The following SLC43A2 variants were observed in gnomAD, a reference collection of about 807,000 sequenced individuals.
The protein encoded by SLC43A2 is large neutral amino acids transporter small subunit 4.
A neutral mutation model predicts 63.2 loss-of-function variants in SLC43A2; 38 were observed. That is an observed-to-expected ratio of 0.60 (90% confidence interval 0.46 to 0.79). The LOEUF (loss-of-function observed/expected upper bound fraction) is 0.79. Ranked by LOEUF, SLC43A2 falls within the 30% of genes least tolerant of loss-of-function variation. The pLI is 0.00. For synonymous variants in SLC43A2, 322 were observed against 331.0 expected, an observed-to-expected ratio of 0.97 and a Z score of 0.30; for missense variants, 644 against 756.2, an observed-to-expected ratio of 0.85 and a Z score of 1.74.
At chr17:1,594,436 C>T (rs1298686115) in intron 5 of SLC43A2, among the ~76,000 whole-genome samples, 1 of 152,186 alleles carries the variant, frequency 6.6e-6, no homozygotes, top group African/African-American at 2.4e-5. Context: ...CCTTTCCTGT[C>T]CACACCCAGC....
intron 10 of SLC43A2, chr17:1,585,531 C>G (rs1328577759): frequency 1.9e-6 from 1 of 531,660 alleles, no homozygotes; most frequent in African/African-American, 2.0e-5. Flanking sequence ...TAGGCATGAA[C>G]CACCCTCCCT....
intron 5 of SLC43A2, among the ~76,000 whole-genome samples, chr17:1,601,098 A>T (rs1905975305): frequency 8.0e-6 from 1 of 124,374 alleles, no homozygotes; most frequent in African/African-American, 3.1e-5. Context: ...GTTTGTTTTA[A>T]GTAAAATGTC....
At chr17:1,619,169 G>A (rs1490677799) in intron 2 of SLC43A2, among the ~76,000 whole-genome samples, 4 of 152,000 alleles carry the variant, frequency 2.6e-5, no homozygotes, top group African/African-American at 9.7e-5. Flanking sequence ...GCCGGGCATG[G>A]TGGGCGTCTA....
At position 1,578,151 on chromosome 17, in the gene SLC43A2, A is replaced by C; in HGVS notation, c.1424+99T>G. The C allele has an allele frequency of 8.3e-7, 1 of 1,205,616 alleles. No individual in the cohort carries two copies. The highest frequency in any genetic ancestry group is 1.2e-6 in the Non-Finnish European group (1 of 831,854). 74.7% of individuals were successfully genotyped at this position (1,205,616 alleles called of 1,614,324 possible). Reference sequence around the variant, plus strand: ...GCAGGAAGATGAGCCCTTCTGGGACAGGCTGACCCTGCCTCAGAGTCTCAG... The same window carrying C: ...GCAGGAAGATGAGCCCTTCTGGGACCGGCTGACCCTGCCTCAGAGTCTCAG... On this transcript the variant is annotated intron_variant, in intron 12 of 13. Coordinates refer to ENST00000301335, the MANE Select transcript of SLC43A2 (RefSeq NM_152346.3). This position sits in a 1 kb window ranked among gnomAD's most constrained non-coding sequence, Gnocchi z 6.5.
At chr17:1,591,735 G>GCGGGGGGGGGGGGGGGGGA in intron 6 of SLC43A2, 36 bp from the exon 7 acceptor site, 1 of 652,928 alleles carries the variant, frequency 1.5e-6, no homozygotes, top group South Asian at 1.9e-5. Flanking sequence ...GGGGGGGGGA[G>GCGGGGGGGGGGGGGGGGGA]GGGGCAGAGT....
intron 5 of SLC43A2, among the ~76,000 whole-genome samples, chr17:1,597,216 A>G (rs1905376463): frequency 6.6e-6 from 1 of 150,996 alleles, no homozygotes; most frequent in African/African-American, 2.4e-5. Context: ...ACGTTTTAAA[A>G]AAAAGAGGCT....
rs1290180778 is a variant in SLC43A2 at position 1,575,368 on chromosome 17, G to C, written c.*236C>G. On this transcript the variant is annotated 3_prime_UTR_variant, in exon 14 of 14. Coordinates refer to ENST00000301335, the MANE Select transcript of SLC43A2 (RefSeq NM_152346.3). ...GAGACCCCAGGCCCCGGGTCCCCGG[G>C]GGGCGGCAGAGCAAAGTCAGGGCAG... is the stretch of plus-strand genomic sequence containing the variant. The C allele has an allele frequency of 5.3e-6, 3 of 570,618 alleles. No individual in the cohort carries two copies. In the East Asian group the frequency reaches 9.7e-5, roughly 18 times the overall value. 35.3% of individuals were successfully genotyped at this position (570,618 alleles called of 1,614,324 possible). A position where few individuals can be genotyped will look rare whatever the true frequency, so the allele number is the denominator to read the frequency against.
intron 9 of SLC43A2, 160 bp from the exon 10 acceptor site, chr17:1,586,211 C>T (rs1316289818): frequency 7.6e-6 from 9 of 1,177,890 alleles, no homozygotes; most frequent in East Asian, 2.6e-5. Flanking sequence ...GAGACCTTAA[C>T]TCTGAAGTTG....
intron 2 of SLC43A2, among the ~76,000 whole-genome samples, chr17:1,625,578 T>A (rs540730564): frequency 6.6e-6 from 1 of 152,254 alleles, no homozygotes; most frequent in South Asian, 2.1e-4. Flanking sequence ...CGCCAGGCAC[T>A]CCCAGACGAG....
At chr17:1,601,489 G>C (rs1281041595) in intron 5 of SLC43A2, among the ~76,000 whole-genome samples, 1 of 152,044 alleles carries the variant, frequency 6.6e-6, no homozygotes. Context: ...CCAGTGCTGG[G>C]AGCCAAGGCC....
chr17:1,575,892 C>G, intron 13 of SLC43A2, 127 bp from the exon 14 acceptor site: 1 of 1,061,730 alleles, frequency 9.4e-7, no homozygotes, highest in Non-Finnish European at 1.3e-6. Context: ...AACAGGAAGG[C>G]CCACGAGGTC....
Position 1,605,357 on chromosome 17 carries a change from G to T in SLC43A2, c.501+7838C>A. 1 of 431,736 alleles carries T rather than the reference G, an allele frequency of 2.3e-6. No homozygotes were observed. The highest frequency in any genetic ancestry group is 3.2e-6 in the Non-Finnish European group (1 of 316,912). The allele number at this position is 431,736 out of a possible 1,614,324, so 26.7% of individuals were successfully genotyped here. A position where few individuals can be genotyped will look rare whatever the true frequency, so the allele number is the denominator to read the frequency against. On this transcript the variant is annotated intron_variant, in intron 5 of 13. Transcript: ENST00000301335. This position sits in a 1 kb window ranked among gnomAD's most constrained non-coding sequence, Gnocchi z 4.9. ...TTCTGGCCATAGAGCATGACCACCG[G>T]ACAGGAGTGCCTGCAGGGCCAAGGC...
At chr17:1,591,521 G>C (rs773077416) in intron 7 of SLC43A2, 45 bp downstream of exon 7, 1 of 1,608,350 alleles carries the variant, frequency 6.2e-7, no homozygotes, top group South Asian at 1.1e-5. Flanking sequence ...CCCCGGCTGG[G>C]GGGCGGGGGC....
At chr17:1,629,628 C>G (rs1376156454), upstream of SLC43A2, among the ~76,000 whole-genome samples, 1 of 152,254 alleles carries the variant, frequency 6.6e-6, no homozygotes, top group Non-Finnish European at 1.5e-5. Context: ...TGTTCACGCA[C>G]TGCTCGGTCC....
chr17:1,596,670 C>G (rs1905304796), intron 5 of SLC43A2, among the ~76,000 whole-genome samples: 1 of 152,042 alleles, frequency 6.6e-6, no homozygotes, highest in Admixed American at 6.6e-5. Context: ...ACCTCTGTCT[C>G]CTGGGTTCAT....
chr17:1,593,654 A>C lies in SLC43A2; in HGVS notation c.502-375T>G, dbSNP rs956512807. The stretch of plus-strand genomic sequence containing the variant: ...CCTCAAAGGGAGAAAGCCTGTTAAA[A>C]ATAAGAATCTATTTGGGGATAATAG... On this transcript the variant is annotated intron_variant, in intron 5 of 13. Coordinates refer to ENST00000301335, the MANE Select transcript of SLC43A2 (RefSeq NM_152346.3). The surrounding 1 kb of genome is among the most constrained non-coding windows in gnomAD (Gnocchi z 5.3). Among the ~76,000 whole-genome samples the C allele has an allele frequency of 2.0e-5, 3 of 152,184 alleles. No homozygotes were observed. Among genetic ancestry groups the C allele is most frequent in the African/African-American group, 7.2e-5 (3 of 41,446 alleles).
At position 1,575,616 on chromosome 17, in the gene SLC43A2, C is replaced by A; in HGVS notation, c.1698G>T (p.Glu566Asp). The change falls in exon 14 of 14, where the codon GAG becomes GAT. Residue 566 changes from glutamate to aspartate, a missense_variant. By Grantham distance (45) the Glu-to-Asp change is conservative (BLOSUM62 2). Coordinates refer to ENST00000301335, the MANE Select transcript of SLC43A2 (RefSeq NM_152346.3). ...GAGGCGGCAGCCACTACACGAAGGC[C>A]TCCTGGTTGGACGAGCCGTTGATTT... The part of the protein sequence containing the change: ...FLKINGSSNQ[E>D]AFV 6.2e-7 allele frequency: 1 copy of A among 1,614,048 alleles called. No individual in the cohort carries two copies. The highest frequency in any genetic ancestry group is 1.1e-5 in the South Asian group (1 of 91,088).
intron 12 of SLC43A2, 142 bp from the exon 13 acceptor site, chr17:1,576,862 T>C: frequency 1.2e-6 from 1 of 866,248 alleles, no homozygotes; most frequent in African/African-American, 2.2e-5. Context: ...TGGGCAGTTC[T>C]GTTTTTTTTT....
intron 5 of SLC43A2, among the ~76,000 whole-genome samples, chr17:1,594,823 C>T (rs575342678): frequency 9.9e-5 from 15 of 151,584 alleles, no homozygotes; most frequent in East Asian, 9.8e-4. Context: ...CTCCTGACCT[C>T]GTGATCCGCC....
Sources: gnomAD v4.1 joint callset for allele counts (sites outside exome capture counted in the v4.1 genomes callset) on GRCh38, gnomAD v4.1.1 for gene constraint, Gnocchi (gnomAD v3.1) non-coding constraint, MANE v1.5 for transcripts, NCBI Gene and HGNC (gene_info 2026-07-23, HGNC 2026-07-21) for gene names.